The following WFDC1 variants were observed in gnomAD, a reference collection of about 807,000 sequenced individuals.
The protein encoded by WFDC1 is WAP four-disulfide core domain protein 1.
A neutral mutation model predicts 32.9 loss-of-function variants in WFDC1; 39 were observed. The observed-to-expected ratio is 1.19, with a 90% CI of 0.92 to 1.55. The LOEUF is 1.55. Ranked by LOEUF, WFDC1 falls within the 40% of genes most tolerant of loss-of-function variation. WFDC1 has a pLI of 0.00. For missense variants in WFDC1, 386 were observed against 309.5 expected (o/e 1.25, Z -1.85); for synonymous variants, 184 against 137.4 (o/e 1.34, Z -2.37).
At chr16:84,327,932 A>G (rs1379306038) in intron 6 of WFDC1, 1 of 152,306 alleles carries the variant, frequency 6.6e-6, no homozygotes, top group Non-Finnish European at 1.5e-5. Context: ...GGGGACGGCT[A>G]CACAAGCCAA....
At chr16:84,327,098 A>G (rs1461177286) in intron 6 of WFDC1, 143 bp downstream of exon 6, 2 of 761,848 alleles carry the variant, frequency 2.6e-6, no homozygotes, top group Admixed American at 2.2e-5. Context: ...CTTCTGCAGT[A>G]AGTCCTCACC....
chr16:84,323,655 A>G (rs904092603), intron 4 of WFDC1, among the ~76,000 whole-genome samples: 9 of 152,254 alleles, frequency 5.9e-5, no homozygotes, highest in African/African-American at 2.2e-4. Context: ...ACTGAGGCTC[A>G]AAGAGGACGA....
intron 3 of WFDC1, 109 bp downstream of exon 3, chr16:84,318,464 C>A: frequency 9.6e-7 from 1 of 1,037,736 alleles, no homozygotes; most frequent in Non-Finnish European, 1.5e-6. Context: ...TGCACGGGCC[C>A]TTCAGCCAAA....
At chr16:84,302,309 G>A (rs244836) in intron 1 of WFDC1, among the ~76,000 whole-genome samples, 44,928 of 152,034 alleles carry the variant, frequency 0.3, 7,257 homozygotes, top group East Asian at 0.48. Context: ...CACATCGTAA[G>A]TCTAATTAAT....
At chr16:84,320,643 T>A (rs1908252779) in intron 4 of WFDC1, among the ~76,000 whole-genome samples, 1 of 152,218 alleles carries the variant, frequency 6.6e-6, no homozygotes, top group African/African-American at 2.4e-5. Flanking sequence ...GGAGTTTGGA[T>A]GAACTGTGTG....
At chr16:84,327,014 G>C in intron 6 of WFDC1, 59 bp downstream of exon 6, 1 of 1,574,426 alleles carries the variant, frequency 6.4e-7, no homozygotes, top group Non-Finnish European at 8.7e-7. Context: ...CAGTGTCCTG[G>C]CAGCTTTCAC....
rs573520049 is a variant in WFDC1 at position 84,309,978 on chromosome 16, T to G, written c.145-2983T>G. On this transcript the variant is annotated intron_variant, in intron 1 of 6. Transcript: ENST00000219454. ...GAATCATCTCCCCATGTCAAGATCC[T>G]TAACCTAATTGCGTCTGCAAAGACC... Among the ~76,000 whole-genome samples, 10 of 152,254 alleles carry G rather than the reference T, an allele frequency of 6.6e-5. 1 individual carries two copies. In the South Asian group the frequency reaches 1.9e-3, roughly 28 times the overall value.
chr16:84,314,905 T>C (rs1907859943), intron 2 of WFDC1, among the ~76,000 whole-genome samples: 1 of 152,242 alleles, frequency 6.6e-6, no homozygotes, highest in East Asian at 1.9e-4. Flanking sequence ...GATACAACTG[T>C]ACATGGCATT....
intron 4 of WFDC1, among the ~76,000 whole-genome samples, chr16:84,320,092 T>A (rs1908221323): frequency 6.6e-6 from 1 of 152,350 alleles, no homozygotes; most frequent in African/African-American, 2.4e-5. Flanking sequence ...GAAACTGTAC[T>A]TCAAGTTCCC....
chr16:84,309,780 C>T (rs866813235), intron 1 of WFDC1, among the ~76,000 whole-genome samples: 5 of 152,030 alleles, frequency 3.3e-5, no homozygotes, highest in African/African-American at 9.7e-5. Context: ...GGTCTGTAGA[C>T]GCCATCTCTG....
At chr16:84,327,081 A>G in intron 6 of WFDC1, 126 bp downstream of exon 6, 1 of 909,878 alleles carries the variant, frequency 1.1e-6, no homozygotes, top group Non-Finnish European at 1.7e-6. Context: ...GTAGAATTTG[A>G]AATTCCCTTC....
At chr16:84,314,522 G>A (rs1187564415) in intron 2 of WFDC1, among the ~76,000 whole-genome samples, 1 of 152,162 alleles carries the variant, frequency 6.6e-6, no homozygotes, top group African/African-American at 2.4e-5. Context: ...TCCCAAGGCT[G>A]AGAGGAGAGT....
At chr16:84,328,487 G>A (rs940981113) in intron 6 of WFDC1, 10 of 152,228 alleles carry the variant, frequency 6.6e-5, no homozygotes, top group Admixed American at 6.5e-4. Context: ...CGGAAAATCT[G>A]GAGCCCGTAG....
chr16:84,314,126 G>A lies in WFDC1; in HGVS notation c.337+973G>A, dbSNP rs542040239. Among the ~76,000 whole-genome samples the A allele has an allele frequency of 3.9e-5, 6 of 152,332 alleles. No individual in the cohort carries two copies. The East Asian group carries it at 7.7e-4, about 20-fold the overall frequency. ...CACTCCAAAGTGCTCAGCACTGCGCGGGGCTGGGAGCAGATAATGAGATGT... is the reference window on the plus strand; with the variant it reads ...CACTCCAAAGTGCTCAGCACTGCGCAGGGCTGGGAGCAGATAATGAGATGT... On this transcript the variant is annotated intron_variant, in intron 2 of 6. Coordinates refer to ENST00000219454, the MANE Select transcript of WFDC1 (RefSeq NM_021197.4).
intron 1 of WFDC1, among the ~76,000 whole-genome samples, chr16:84,299,132 A>C (rs244827): frequency 7.9e-5 from 12 of 152,038 alleles, no homozygotes; most frequent in Non-Finnish European, 1.6e-4. Flanking sequence ...AGGCCAAGGC[A>C]GGCAGATCTC....
At chr16:84,327,933 C>T (rs1908697194) in intron 6 of WFDC1, 1 of 152,294 alleles carries the variant, frequency 6.6e-6, no homozygotes. Flanking sequence ...GGGACGGCTA[C>T]ACAAGCCAAC....
chr16:84,324,481 T>C (rs201148249), intron 5 of WFDC1, 21 bp downstream of exon 5: 227 of 1,610,744 alleles, frequency 1.4e-4, no homozygotes, highest in Non-Finnish European at 1.8e-4. Flanking sequence ...AAACTGTTCT[T>C]TCTTTCCAGA....
chr16:84,320,681 T>G (rs1000285527), intron 4 of WFDC1, among the ~76,000 whole-genome samples: 1 of 152,182 alleles, frequency 6.6e-6, no homozygotes, highest in African/African-American at 2.4e-5. Context: ...GACTTCAGGG[T>G]GGCCAGGTTC....
chr16:84,307,526 C>T (rs956050778), intron 1 of WFDC1, among the ~76,000 whole-genome samples: 5 of 152,084 alleles, frequency 3.3e-5, no homozygotes, highest in African/African-American at 9.7e-5. Context: ...TCTGAGACGG[C>T]GGCACAGCTC....
Sources: gnomAD v4.1 joint callset for allele counts (sites outside exome capture counted in the v4.1 genomes callset) on GRCh38, gnomAD v4.1.1 for gene constraint, MANE v1.5 for transcripts, NCBI Gene and HGNC (gene_info 2026-07-23, HGNC 2026-07-21) for gene names.